ITIH4: variants seen among roughly 807,000 people sequenced by gnomAD.
The protein encoded by ITIH4 is inter-alpha-trypsin inhibitor heavy chain 4, also known as inter-alpha-trypsin inhibitor heavy chain H4.
Under a neutral mutation model 111.8 loss-of-function variants are expected in ITIH4, and 79 were observed. That is an observed-to-expected ratio of 0.71 (90% CI 0.59 to 0.85). ITIH4 has a LOEUF of 0.85. ITIH4 is among the 40% of genes least tolerant of loss of function. The pLI is 0.00. For missense variants in ITIH4, 1,065 were observed against 1,195.8 expected (o/e 0.89, Z 1.61); for synonymous variants, 472 against 468.3 (o/e 1.01, Z -0.10).
Position 52,820,282 on chromosome 3 carries a change from G to C in ITIH4, c.1861+9C>G. 1 of 1,614,050 alleles carries C rather than the reference G, an allele frequency of 6.2e-7. No individual in the cohort carries two copies. The highest frequency in any genetic ancestry group is 8.5e-7 in the Non-Finnish European group (1 of 1,180,018). On this transcript the variant is annotated intron_variant, in intron 14 of 23. Transcript: ENST00000266041. ...CCCAGCACAGCCTTTGAGGATGTTC[G>C]CTGCTTACCTGAGTGGACATTCCTG...
intron 21 of ITIH4, among the ~76,000 whole-genome samples, chr3:52,816,046 C>A (rs1302453434): frequency 6.6e-6 from 1 of 152,180 alleles, no homozygotes; most frequent in Non-Finnish European, 1.5e-5. Flanking sequence ...TGGGTGTGCA[C>A]TCATCTGTCA....
chr3:52,818,315 C>T lies in ITIH4; in HGVS notation c.2153-32G>A, dbSNP rs374197800. ...GAAGAAAAAGTCTGGGTTTAGGCAG[C>T]CCCTTCCTGAGGAGTGGGAGGTTGA... On this transcript the variant is annotated intron_variant, in intron 18 of 23. Transcript: ENST00000266041. 4.1e-5 allele frequency: 64 copies of T among 1,574,412 alleles called. No individual in the cohort carries two copies. The African/African-American group carries it at 8.4e-4, about 21-fold the overall frequency.
rs748677542 is a variant in ITIH4, at chr3:52,826,685, G to A, written c.520-34C>T. Reference sequence around the variant, plus strand: ...AAGATGTGGGTCCCTGGGTCAGCCAGGAGCCTGGGCTGGGGCTCACAGGAG... The same window carrying A: ...AAGATGTGGGTCCCTGGGTCAGCCAAGAGCCTGGGCTGGGGCTCACAGGAG... On this transcript the variant is annotated intron_variant, in intron 4 of 23. Transcript: ENST00000266041. 2.5e-6 allele frequency: 4 copies of A among 1,610,542 alleles called. No homozygotes were observed. In the South Asian group the frequency reaches 4.4e-5, roughly 18 times the overall value.
At chr3:52,826,475 G>A (rs572760742) in intron 5 of ITIH4, 66 bp downstream of exon 5, 293 of 1,195,744 alleles carry the variant, frequency 2.5e-4, no homozygotes, top group African/African-American at 1.2e-3. Flanking sequence ...CAGAAATCCG[G>A]GCTCATAGGG....
At position 52,819,763 on chromosome 3, in the gene ITIH4, T is replaced by C; in HGVS notation, c.1942A>G (p.Asn648Asp). 1 of 1,614,020 alleles carries C rather than the reference T, an allele frequency of 6.2e-7. No individual in the cohort carries two copies. Among genetic ancestry groups the C allele is most frequent in the East Asian group, 2.2e-5 (1 of 44,858 alleles). Residue 648 changes from asparagine to aspartate, a missense_variant, in exon 16 of 24, where the codon AAT becomes GAT. By Grantham distance (23) the Asn-to-Asp change is conservative (BLOSUM62 1). Coordinates refer to ENST00000266041, the MANE Select transcript of ITIH4 (RefSeq NM_002218.5). ...EASFSPRRGW[N>D]RQAGAAGSRM... The stretch of plus-strand genomic sequence containing the variant: ...GAAACCCTCAAACTACCTTGTCTAT[T>C]CCATCCTCTTCTTGGAGAAAAGGAA...
In ITIH4 at chr3:52,820,466, A is replaced by G. The variant is rs945614759; in HGVS notation, c.1835-149T>C. 33 of 1,159,494 alleles carry G rather than the reference A, an allele frequency of 2.8e-5. No individual in the cohort carries two copies. In the Middle Eastern group the frequency reaches 7.9e-4, roughly 28 times the overall value. The allele number at this position is 1,159,494 out of a possible 1,614,324, so 71.8% of individuals were successfully genotyped here. On this transcript the variant is annotated intron_variant, in intron 13 of 23. Coordinates refer to ENST00000266041, the MANE Select transcript of ITIH4 (RefSeq NM_002218.5). ...GTAGGTGCAATGAATTTGGGGAGAC[A>G]GGAGACCCGGCTTCACTTTCCTCAT...
chr3:52,814,446 G>T, intron 21 of ITIH4, 83 bp from the exon 22 acceptor site: 1 of 1,237,644 alleles, frequency 8.1e-7, no homozygotes, highest in Non-Finnish European at 1.2e-6. Context: ...AGTGGGCTGG[G>T]CTTCCCCTCT....
In ITIH4 at chr3:52,824,457, C is replaced by A; in HGVS notation, c.985G>T (p.Ala329Ser). 6.2e-7 allele frequency: 1 copy of A among 1,614,210 alleles called. No individual in the cohort carries two copies. The highest frequency in any genetic ancestry group is 8.5e-7 in the Non-Finnish European group (1 of 1,180,042). The change falls in exon 8 of 24, where the codon GCC (alanine) becomes TCC (serine). Residue 329 changes from alanine to serine, a missense_variant. Transcript: ENST00000266041. This position sits in a 1 kb window ranked among gnomAD's most constrained non-coding sequence, Gnocchi z 4.3. ...GCCTTGTTCACGTTCTCGGCTGAGG[C>A]TGGCACCAGTGATGGCCTCCACTGA... ...ATQWRPSLVP[A>S]SAENVNKARS...
chr3:52,819,648 T>C, intron 16 of ITIH4, 106 bp downstream of exon 16: 2 of 1,575,230 alleles, frequency 1.3e-6, no homozygotes, highest in Non-Finnish European at 8.7e-7. Flanking sequence ...CCCGGCCAAC[T>C]TGGGGAGCCT....
In ITIH4 at chr3:52,818,171, G is replaced by A. The variant is rs77606310; in HGVS notation, c.2180-3C>T. 4,859 of 1,608,076 alleles carry A rather than the reference G, an allele frequency of 3.0e-3. 151 individuals are homozygous for A. The African/African-American group carries it at 0.055, about 18-fold the overall frequency. On this transcript the variant is annotated splice_polypyrimidine_tract_variant and splice_region_variant and intron_variant, in intron 19 of 23. Coordinates refer to ENST00000266041, the MANE Select transcript of ITIH4 (RefSeq NM_002218.5). Reference sequence around the variant, plus strand: ...GGCAGAGGGAGCCTGTATGGGGGCTGGGACAGCCGGGGCACGGCTCCTGGA... The same window carrying A: ...GGCAGAGGGAGCCTGTATGGGGGCTAGGACAGCCGGGGCACGGCTCCTGGA...
chr3:52,817,843 C>A (rs1432447731), intron 20 of ITIH4, among the ~76,000 whole-genome samples: 1 of 152,260 alleles, frequency 6.6e-6, no homozygotes, highest in Non-Finnish European at 1.5e-5. Flanking sequence ...GTGCCTTGGC[C>A]ACCCACACCT....
At chr3:52,815,373 A>G (rs1700264246) in intron 21 of ITIH4, among the ~76,000 whole-genome samples, 1 of 151,250 alleles carries the variant, frequency 6.6e-6, no homozygotes, top group African/African-American at 2.4e-5. Context: ...CCTCCCGAGT[A>G]GCTGGGATTA....
Position 52,819,433 on chromosome 3 carries a change from AG to A in ITIH4, c.2036del (p.Pro679LeufsTer34), listed in dbSNP as rs1358739446. ...QLGLPGPPDV[P>X]DHAAYHPFRR... ...GGAAGGGGTGGTAAGCAGCATGGTC[AG>A]GAACATCAGGAGGTCCTGGGAGTCC... On this transcript the variant is annotated frameshift_variant, in exon 17 of 24. Coordinates refer to ENST00000266041, the MANE Select transcript of ITIH4 (RefSeq NM_002218.5). LOFTEE classifies it high-confidence loss of function. The A allele has an allele frequency of 6.8e-6, 11 of 1,614,180 alleles. No individual in the cohort carries two copies. The highest frequency in any genetic ancestry group is 9.3e-6 in the Non-Finnish European group (11 of 1,180,004).
chr3:52,814,090 A>G lies in ITIH4; in HGVS notation c.2627-19T>C, dbSNP rs2154111029. On this transcript the variant is annotated intron_variant, in intron 22 of 23. Transcript: ENST00000266041. ...AACTGGCCTGAGATACAAAGGGTGG[A>G]TCAGTAAGGGTCAGAGACAGAGGAA... The G allele has an allele frequency of 6.2e-7, 1 of 1,612,526 alleles. No homozygotes were observed.
intron 2 of ITIH4, among the ~76,000 whole-genome samples, chr3:52,827,636 G>T (rs747443077): frequency 6.6e-6 from 1 of 152,208 alleles, no homozygotes; most frequent in Non-Finnish European, 1.5e-5. Context: ...GCGTGCAGCC[G>T]TGTGGGGCCA....
chr3:52,826,864 A>T lies in ITIH4; in HGVS notation c.446T>A (p.Leu149Gln). The T allele has an allele frequency of 6.2e-7, 1 of 1,614,022 alleles. No individual in the cohort carries two copies. The highest frequency in any genetic ancestry group is 8.5e-7 in the Non-Finnish European group (1 of 1,180,028). The change falls in exon 4 of 24, where the codon CTG becomes CAG. Residue 149 changes from leucine to glutamine, a missense_variant. Coordinates refer to ENST00000266041, the MANE Select transcript of ITIH4 (RefSeq NM_002218.5). ...KITFELVYEE[L>Q]LKRRLGVYEL... ...GTACACCCCCAAACGCCGCTTGAGC[A>T]GCTCCTCATAGACCAGCTCAAAGGT...
intron 21 of ITIH4, among the ~76,000 whole-genome samples, chr3:52,815,095 T>C (rs1185595858): frequency 1.3e-5 from 2 of 152,198 alleles, no homozygotes; most frequent in Non-Finnish European, 2.9e-5. Flanking sequence ...AATTCTTGCC[T>C]TTCTGGTGTT....
intron 5 of ITIH4, 22 bp from the exon 6 acceptor site, chr3:52,826,036 A>C (rs1243853162): frequency 6.2e-6 from 10 of 1,613,680 alleles, no homozygotes; most frequent in Non-Finnish European, 8.5e-6. Flanking sequence ...ATCCGGGCTG[A>C]AGTTGGGAGG....
chr3:52,818,485 C>G lies in ITIH4; in HGVS notation c.2129G>C (p.Arg710Pro), dbSNP rs571010819. 28 of 1,605,122 alleles carry G rather than the reference C, an allele frequency of 1.7e-5. No individual in the cohort carries two copies. The East Asian group carries it at 2.9e-4, about 17-fold the overall frequency. Reference sequence around the variant, plus strand: ...ACCTTCGATTTTCATATTCATGACACGAGACACAGCTGGATCAGGATTTGA... The same window carrying G: ...ACCTTCGATTTTCATATTCATGACAGGAGACACAGCTGGATCAGGATTTGA... ...ATSNPDPAVS[R>P]VMNMKIEETT... Residue 710 changes from arginine (R) to proline (P), a missense_variant, in exon 18 of 24, where the codon CGT (arginine) becomes CCT (proline). Coordinates refer to ENST00000266041, the MANE Select transcript of ITIH4 (RefSeq NM_002218.5).
Sources: gnomAD v4.1 joint callset for allele counts (sites outside exome capture counted in the v4.1 genomes callset) on GRCh38, gnomAD v4.1.1 for gene constraint, Gnocchi (gnomAD v3.1) non-coding constraint, MANE v1.5 for transcripts, NCBI Gene and HGNC (gene_info 2026-07-23, HGNC 2026-07-21) for gene names.